COPZ1: variants seen among roughly 807,000 people sequenced by gnomAD.
COPZ1 encodes the protein coat protein complex I subunit zeta 1, also known as coatomer subunit zeta-1.
Under a neutral mutation model 31.7 loss-of-function variants are expected in COPZ1, and 4 were observed. That is an observed-to-expected ratio of 0.13 (90% CI 0.06 to 0.29). The LOEUF is 0.29. COPZ1 is among the 10% of genes least tolerant of loss of function. The probability of loss-of-function intolerance (pLI) is 1.00; values close to 1 mark genes in which losing one functional copy is unlikely to be tolerated. For missense variants in COPZ1, 156 were observed against 211.5 expected (o/e 0.74, Z 1.63); for synonymous variants, 74 against 79.0 (o/e 0.94, Z 0.33).
At chr12:54,337,833 C>T (rs1178504485) in intron 1 of COPZ1, among the ~76,000 whole-genome samples, 1 of 152,190 alleles carries the variant, frequency 6.6e-6, no homozygotes, top group Non-Finnish European at 1.5e-5. Flanking sequence ...AGTCTTTATC[C>T]TTGTCCTCCT....
At chr12:54,345,431 A>C in intron 4 of COPZ1, 29 bp from the exon 5 acceptor site, 1 of 1,598,296 alleles carries the variant, frequency 6.3e-7, no homozygotes, top group Non-Finnish European at 8.6e-7. Flanking sequence ...CTTGAACCTT[A>C]TCCTTCTGCC....
rs370140689 is a variant in COPZ1, at chr12:54,333,940, C to T, written c.19-6607C>T. 5.9e-5 allele frequency among the ~76,000 whole-genome samples: 9 copies of T among 152,190 alleles called. No homozygotes were observed. The East Asian group carries it at 1.7e-3, about 29-fold the overall frequency. Reference sequence around the variant, plus strand: ...TTTTGAATCTAATCTTGTGTGTATACAGAAATAATTAGCAGGGTGTGGTGG... The same window carrying T: ...TTTTGAATCTAATCTTGTGTGTATATAGAAATAATTAGCAGGGTGTGGTGG... On this transcript the variant is annotated intron_variant, in intron 1 of 8. Coordinates refer to ENST00000262061, the MANE Select transcript of COPZ1 (RefSeq NM_016057.3).
intron 5 of COPZ1, among the ~76,000 whole-genome samples, chr12:54,347,310 T>A (rs1208251491): frequency 6.6e-6 from 1 of 152,112 alleles, no homozygotes; most frequent in African/African-American, 2.4e-5. Context: ...TGGTAAGGGA[T>A]AGGGAGAAGA....
intron 6 of COPZ1, 76 bp downstream of exon 6, chr12:54,347,920 G>A: frequency 3.7e-6 from 6 of 1,603,848 alleles, no homozygotes; most frequent in Non-Finnish European, 4.3e-6. Context: ...AGCAGGCTCA[G>A]TGGCCAGAGG....
intron 1 of COPZ1, among the ~76,000 whole-genome samples, chr12:54,328,425 C>G (rs1428965580): frequency 6.6e-6 from 1 of 151,746 alleles, no homozygotes. Flanking sequence ...CAAAACTTAG[C>G]TGGGCGTGGC....
intron 3 of COPZ1, chr12:54,342,768 A>G (rs1953993787): frequency 1.7e-5 from 3 of 174,586 alleles, no homozygotes; most frequent in Non-Finnish European, 2.4e-5. Context: ...AAAAGTGCAG[A>G]TCATCTTCTG....
intron 1 of COPZ1, among the ~76,000 whole-genome samples, chr12:54,326,478 CCT>C (rs1953647054): frequency 1.4e-5 from 2 of 147,354 alleles, no homozygotes; most frequent in East Asian, 2.0e-4. Flanking sequence ...CTAATTTCTC[CCT>C]CTCTGGTTAC....
rs537325220 is a variant in COPZ1, at chr12:54,337,831, T to G, written c.19-2716T>G. ...AGCTCTATGTCAAATCTAGTCTTTA[T>G]CCTTGTCCTCCTTAGCCTGTCTTTT... is the stretch of plus-strand genomic sequence containing the variant. On this transcript the variant is annotated intron_variant, in intron 1 of 8. Coordinates refer to ENST00000262061, the MANE Select transcript of COPZ1 (RefSeq NM_016057.3). 1.4e-4 allele frequency among the ~76,000 whole-genome samples: 21 copies of G among 152,372 alleles called. No individual in the cohort carries two copies. The South Asian group carries it at 4.3e-3, about 32-fold the overall frequency.
At chr12:54,346,270 CT>C (rs1029430029) in intron 5 of COPZ1, among the ~76,000 whole-genome samples, 291 of 138,346 alleles carry the variant, frequency 2.1e-3, no homozygotes, top group Admixed American at 2.0e-3. Flanking sequence ...ATTTTTTTTT[CT>C]TTTTTTTTTT....
At chr12:54,327,536 A>G (rs749217167) in intron 1 of COPZ1, among the ~76,000 whole-genome samples, 1 of 152,198 alleles carries the variant, frequency 6.6e-6, no homozygotes, top group East Asian at 1.9e-4. Context: ...AGCTCAGGCA[A>G]TCCACCTGCC....
In COPZ1 at chr12:54,350,670, C is replaced by T. The variant is rs1484555047; in HGVS notation, c.*147C>T. On this transcript the variant is annotated 3_prime_UTR_variant, in exon 9 of 9. Transcript: ENST00000262061. ...TCTCCATTCTGTTTGTGGTTGCCCCCTCAACCTCCCCTACACCCTTCCTAT... is the reference window on the plus strand; with the variant it reads ...TCTCCATTCTGTTTGTGGTTGCCCCTTCAACCTCCCCTACACCCTTCCTAT... 1.0e-5 allele frequency: 7 copies of T among 700,276 alleles called. No individual in the cohort carries two copies. The highest frequency in any genetic ancestry group is 3.5e-5 in the African/African-American group (2 of 57,340). The allele number at this position is 700,276 out of a possible 1,614,324, so 43.4% of individuals were successfully genotyped here. A position where few individuals can be genotyped will look rare whatever the true frequency, so the allele number is the denominator to read the frequency against.
At chr12:54,347,950 G>T (rs762808000) in intron 6 of COPZ1, 50 bp from the exon 7 acceptor site, 1 of 1,608,706 alleles carries the variant, frequency 6.2e-7, no homozygotes, top group Non-Finnish European at 8.5e-7. Flanking sequence ...CCGACAGTGA[G>T]TTGGGCCTTC....
chr12:54,348,607 C>T (rs980146726), intron 7 of COPZ1, among the ~76,000 whole-genome samples: 4 of 151,958 alleles, frequency 2.6e-5, no homozygotes, highest in African/African-American at 4.8e-5. Flanking sequence ...CATGGTGGTG[C>T]GTGCCTGTGA....
intron 6 of COPZ1, 64 bp from the exon 7 acceptor site, chr12:54,347,936 T>TG: frequency 6.2e-7 from 1 of 1,605,712 alleles, no homozygotes; most frequent in Non-Finnish European, 8.5e-7. Flanking sequence ...AGAGGTCCTG[T>TG]TCCCCGACAG....
chr12:54,343,199 T>A, intron 3 of COPZ1, 26 bp from the exon 4 acceptor site: 1 of 1,577,974 alleles, frequency 6.3e-7, no homozygotes, highest in Non-Finnish European at 8.7e-7. Flanking sequence ...AGCCACCCAC[T>A]ATTTTTACTT....
At position 54,346,806 on chromosome 12, in the gene COPZ1, T is replaced by C; in HGVS notation, c.318-961T>C. 4 of 584,378 alleles carry C rather than the reference T, an allele frequency of 6.8e-6. No individual in the cohort carries two copies. The South Asian group carries it at 7.5e-5, about 11-fold the overall frequency. 36.2% of individuals were successfully genotyped at this position (584,378 alleles called of 1,614,324 possible). A position where few individuals can be genotyped will look rare whatever the true frequency, so the allele number is the denominator to read the frequency against. On this transcript the variant is annotated intron_variant, in intron 5 of 8. Transcript: ENST00000262061. ...AGGAGGTTGAGGCTGCAGTGAGCTG[T>C]GATCATGCTACTGCACTCCAGCCTA...
At chr12:54,328,604 C>T (rs929435308) in intron 1 of COPZ1, among the ~76,000 whole-genome samples, 8 of 152,158 alleles carry the variant, frequency 5.3e-5, no homozygotes, top group African/African-American at 9.6e-5. Context: ...TGTCACATTT[C>T]TCTTCCCTTA....
chr12:54,343,159 T>G lies in COPZ1; in HGVS notation c.170-66T>G, dbSNP rs544241049. ...GGCATGAGCCACTGCGCCTGGCTGG[T>G]AACTCCTTCTTTCCTACTTCCTTAT... is the stretch of plus-strand genomic sequence containing the variant. On this transcript the variant is annotated intron_variant, in intron 3 of 8. Coordinates refer to ENST00000262061, the MANE Select transcript of COPZ1 (RefSeq NM_016057.3). 3.6e-5 allele frequency: 47 copies of G among 1,288,388 alleles called. No individual in the cohort carries two copies. In the African/African-American group the frequency reaches 6.4e-4, roughly 18 times the overall value. 79.8% of individuals were successfully genotyped at this position (1,288,388 alleles called of 1,614,324 possible).
At chr12:54,343,909 T>C (rs541380802) in intron 4 of COPZ1, among the ~76,000 whole-genome samples, 1 of 152,346 alleles carries the variant, frequency 6.6e-6, no homozygotes, top group South Asian at 2.1e-4. Flanking sequence ...TAAAGTATAT[T>C]GTTATTTAAA....
Sources: gnomAD v4.1 joint callset for allele counts (sites outside exome capture counted in the v4.1 genomes callset) on GRCh38, gnomAD v4.1.1 for gene constraint, MANE v1.5 for transcripts, NCBI Gene and HGNC (gene_info 2026-07-23, HGNC 2026-07-21) for gene names.